Variants in APBA2 observed in about 807,000 individuals in gnomAD.
APBA2 encodes the protein amyloid-beta A4 precursor protein-binding family A member 2.
Under a neutral mutation model 75.0 loss-of-function variants are expected in APBA2, and 30 were observed. The observed-to-expected ratio is 0.40, with a 90% confidence interval of 0.30 to 0.54. The LOEUF is 0.54. APBA2 is among the 20% of genes least tolerant of loss of function. APBA2 has a pLI of 0.49. For missense variants in APBA2, 801 were observed against 1,016.1 expected (o/e 0.79, Z 2.88); for synonymous variants, 444 against 409.6 (o/e 1.08, Z -1.01).
At chr15:28,931,079 T>A (rs8026324) in intron 2 of APBA2, among the ~76,000 whole-genome samples, 36,039 of 152,184 alleles carry the variant, frequency 0.24, 10,215 homozygotes, top group African/African-American at 0.67. Flanking sequence ...TTGGGAATCA[T>A]GGTGAAGCCA....
intron 3 of APBA2, among the ~76,000 whole-genome samples, chr15:29,015,449 C>G (rs549522557): frequency 7.9e-5 from 12 of 152,322 alleles, no homozygotes; most frequent in Middle Eastern, 6.8e-3. Context: ...GGCAGCTCCT[C>G]TCCTGTCTGT....
At chr15:29,078,124 G>A (rs1014671060) in intron 6 of APBA2, among the ~76,000 whole-genome samples, 12 of 151,852 alleles carry the variant, frequency 7.9e-5, no homozygotes, top group East Asian at 2.0e-4. Context: ...GTGAAACCCC[G>A]TCTGTACTAA....
At chr15:29,114,922 AGT>A (rs201910996) in intron 14 of APBA2, among the ~76,000 whole-genome samples, 28,231 of 148,632 alleles carry the variant, frequency 0.19, 7,051 homozygotes, top group African/African-American at 0.58. Flanking sequence ...GTCAAGCATG[AGT>A]GTGTATGTGT....
intron 4 of APBA2, chr15:29,070,900 C>T (rs2042590488): frequency 5.6e-5 from 19 of 337,338 alleles, no homozygotes; most frequent in South Asian, 4.3e-4. Context: ...AGATTGTCAT[C>T]TAACGGAGTC....
chr15:29,117,065 C>T lies in APBA2; in HGVS notation c.2182C>T (p.His728Tyr), dbSNP rs755974076. 2 of 1,613,166 alleles carry T rather than the reference C, an allele frequency of 1.2e-6. No individual in the cohort carries two copies. Among genetic ancestry groups the T allele is most frequent in the Non-Finnish European group, 1.7e-6 (2 of 1,179,902 alleles). The change falls in exon 15 of 15, where the codon CAC becomes TAC. Residue 728 changes from histidine (H) to tyrosine (Y), a missense_variant. Coordinates refer to ENST00000683413, the MANE Select transcript of APBA2 (RefSeq NM_001353788.2). ...QALSNSVGEI[H>Y]MKTMPAAMFR... ...AGCCTCCTGTTTCTGTCCGCAGATC[C>T]ACATGAAGACCATGCCCGCCGCCAT...
intron 3 of APBA2, among the ~76,000 whole-genome samples, chr15:29,019,750 C>T (rs2039857228): frequency 1.3e-5 from 2 of 152,240 alleles, no homozygotes; most frequent in Admixed American, 1.3e-4. Flanking sequence ...TTAATGAACA[C>T]TTTCCTACTG....
At chr15:28,897,211 ACG>A (rs1427583712) in intron 1 of APBA2, among the ~76,000 whole-genome samples, 22 of 150,042 alleles carry the variant, frequency 1.5e-4, no homozygotes, top group Admixed American at 1.5e-3. Flanking sequence ...ACACACACAC[ACG>A]TCCACTAAAG....
intron 3 of APBA2, among the ~76,000 whole-genome samples, chr15:29,010,424 A>AT (rs1313169694): frequency 6.6e-6 from 1 of 151,914 alleles, no homozygotes; most frequent in Non-Finnish European, 1.5e-5. Context: ...AGCCCGGCTA[A>AT]TTTTTTGTAT....
chr15:29,014,579 G>A (rs984376196), intron 3 of APBA2, among the ~76,000 whole-genome samples: 9 of 152,140 alleles, frequency 5.9e-5, no homozygotes, highest in African/African-American at 2.2e-4. Context: ...CTGCCATATT[G>A]GGCAGTGCAG....
At chr15:29,009,555 C>T (rs2039295779) in intron 3 of APBA2, among the ~76,000 whole-genome samples, 1 of 152,106 alleles carries the variant, frequency 6.6e-6, no homozygotes, top group Admixed American at 6.5e-5. Context: ...CCCCTAGGGT[C>T]CTCTCCCAGC....
intron 2 of APBA2, among the ~76,000 whole-genome samples, chr15:28,961,039 G>A (rs768500635): frequency 3.9e-5 from 6 of 152,128 alleles, no homozygotes; most frequent in Non-Finnish European, 4.4e-5. Context: ...GATTACAGGC[G>A]TGAGCCACCG....
chr15:29,079,032 A>G (rs1422039264), intron 6 of APBA2, among the ~76,000 whole-genome samples: 1 of 152,144 alleles, frequency 6.6e-6, no homozygotes, highest in Non-Finnish European at 1.5e-5. Flanking sequence ...CTAGATGGGA[A>G]AATTCTAATG....
chr15:28,949,559 C>T (rs1286626302), intron 2 of APBA2, among the ~76,000 whole-genome samples: 1 of 152,178 alleles, frequency 6.6e-6, no homozygotes, highest in East Asian at 1.9e-4. Flanking sequence ...GCCTCTGCCT[C>T]CCAGGCTCAA....
At chr15:29,112,578 G>A (rs1003316884) in intron 13 of APBA2, among the ~76,000 whole-genome samples, 7 of 152,152 alleles carry the variant, frequency 4.6e-5, no homozygotes, top group Non-Finnish European at 1.0e-4. Context: ...CTGGGGTGGC[G>A]AAGGAGCTGC....
rs547644374 is a variant in APBA2, at chr15:28,989,449, G to A, written c.-94-6304G>A. On this transcript the variant is annotated intron_variant, in intron 2 of 14. Transcript: ENST00000683413. ...ACAAGATAGACTAATGCAACCTAGT[G>A]TGCTGGGCCCTGTGTGGCCACACGG... Among the ~76,000 whole-genome samples the A allele has an allele frequency of 2.0e-5, 3 of 152,334 alleles. No homozygotes were observed. In the South Asian group the frequency reaches 6.2e-4, roughly 32 times the overall value.
chr15:29,111,181 T>C (rs2044709439), intron 13 of APBA2, among the ~76,000 whole-genome samples: 1 of 150,760 alleles, frequency 6.6e-6, no homozygotes, highest in Admixed American at 6.6e-5. Context: ...GGGTCTAGGG[T>C]CTGAGTTCCG....
At chr15:29,111,551 A>G (rs1441741291) in intron 13 of APBA2, among the ~76,000 whole-genome samples, 3 of 152,102 alleles carry the variant, frequency 2.0e-5, no homozygotes, top group Non-Finnish European at 2.9e-5. Flanking sequence ...GGCCATATGG[A>G]TCAGTCACCA....
rs2336947 is a variant in APBA2, at chr15:29,116,364, G to C, written c.2179-698G>C. Reference sequence around the variant, plus strand: ...GGTGTAGGCCGGGCGCGGTGGCTCAGGCCTGTAATCCCAGCACTTTGGGAG... The same window carrying C: ...GGTGTAGGCCGGGCGCGGTGGCTCACGCCTGTAATCCCAGCACTTTGGGAG... On this transcript the variant is annotated intron_variant, in intron 14 of 14. Coordinates refer to ENST00000683413, the MANE Select transcript of APBA2 (RefSeq NM_001353788.2). 1.6e-3 allele frequency among the ~76,000 whole-genome samples: 240 copies of C among 151,820 alleles called. 3 individuals carry two copies. Among genetic ancestry groups the C allele is most frequent in the East Asian group, 0.011 (55 of 5,102 alleles).
chr15:28,901,908 A>ATATGTGTGTGTGTGTGTG (rs2032879823), intron 1 of APBA2, among the ~76,000 whole-genome samples: 7 of 67,380 alleles, frequency 1.0e-4, no homozygotes, highest in Non-Finnish European at 1.6e-4. Flanking sequence ...GGAGCTTTTG[A>ATATGTGTGTGTGTGTGTG]TGTGTGTGTG....
Sources: allele counts gnomAD v4.1 joint callset (sites outside exome capture counted in the v4.1 genomes callset), GRCh38; gene constraint gnomAD v4.1.1; transcripts MANE v1.5; gene names NCBI Gene and HGNC (gene_info 2026-07-23, HGNC 2026-07-21).